The following ATRN variants were observed in gnomAD, a reference collection of about 807,000 sequenced individuals.
ATRN encodes attractin.
A neutral mutation model predicts 178.7 loss-of-function variants in ATRN; 54 were observed. That is an observed-to-expected ratio of 0.30 (90% CI 0.24 to 0.38). The LOEUF (loss-of-function observed/expected upper bound fraction) is 0.38, where lower values mean the gene tolerates loss of function less well. ATRN is among the 10% of genes least tolerant of loss of function. The pLI, the probability that ATRN is intolerant of heterozygous loss-of-function variation, is 1.00. For missense variants in ATRN, 1,443 were observed against 1,815.1 expected, an observed-to-expected ratio of 0.79 and a Z score of 3.73; for synonymous variants, 636 against 663.0, an observed-to-expected ratio of 0.96 and a Z score of 0.63.
chr20:3,646,536 AG>A (rs2087108948), intron 28 of ATRN, among the ~76,000 whole-genome samples, 186 bp from the exon 29 acceptor site: 1 of 152,192 alleles, frequency 6.6e-6, no homozygotes, highest in African/African-American at 2.4e-5. Context: ...GGGAAGGCGG[AG>A]GGAGGGTCAG....
chr20:3,492,808 T>C (rs1420864561), intron 1 of ATRN, among the ~76,000 whole-genome samples: 3 of 150,082 alleles, frequency 2.0e-5, no homozygotes, highest in African/African-American at 7.4e-5. Flanking sequence ...GCTGCTGTAC[T>C]GTCCAGAGAG....
intron 1 of ATRN, among the ~76,000 whole-genome samples, chr20:3,504,529 A>G (rs2085010165): frequency 6.6e-6 from 1 of 150,660 alleles, no homozygotes; most frequent in East Asian, 1.9e-4. Context: ...AAAAAAAAAA[A>G]AAAAAATTAG....
intron 25 of ATRN, among the ~76,000 whole-genome samples, chr20:3,627,697 T>G (rs77881546): frequency 0.068 from 10,425 of 152,220 alleles, 941 homozygotes; most frequent in African/African-American, 0.21. Context: ...AACAACTTTA[T>G]GTGAATGAAT....
At chr20:3,644,317 G>A in intron 28 of ATRN, 49 bp downstream of exon 28, 2 of 1,447,664 alleles carry the variant, frequency 1.4e-6, no homozygotes, top group Non-Finnish European at 1.9e-6. Flanking sequence ...ATGTGAGGGA[G>A]CTAAGCATGG....
At chr20:3,597,586 A>G (rs912120603) in intron 21 of ATRN, among the ~76,000 whole-genome samples, 3 of 152,232 alleles carry the variant, frequency 2.0e-5, no homozygotes, top group Non-Finnish European at 4.4e-5. Context: ...AACACATGAA[A>G]AAAACCTGGC....
intron 2 of ATRN, among the ~76,000 whole-genome samples, chr20:3,539,301 C>G (rs1009652868): frequency 1.3e-5 from 2 of 152,004 alleles, no homozygotes; most frequent in African/African-American, 2.4e-5. Flanking sequence ...AAGTCTTCTG[C>G]GAAGTTTTAC....
intron 11 of ATRN, among the ~76,000 whole-genome samples, chr20:3,572,390 G>T (rs2086138388): frequency 6.6e-6 from 1 of 152,116 alleles, no homozygotes; most frequent in South Asian, 2.1e-4. Flanking sequence ...AACTATTCTG[G>T]GTGTGTTATA....
chr20:3,490,850 G>A, intron 1 of ATRN: 2 of 830,444 alleles, frequency 2.4e-6, no homozygotes, highest in East Asian at 2.4e-5. Flanking sequence ...GATCCCTCAG[G>A]TTCCCACTGA....
At chr20:3,498,312 A>G (rs1197940839) in intron 1 of ATRN, among the ~76,000 whole-genome samples, 3 of 152,190 alleles carry the variant, frequency 2.0e-5, no homozygotes, top group Non-Finnish European at 2.9e-5. Flanking sequence ...AAAAGAGGGA[A>G]TCCTCTCTAA....
chr20:3,588,983 T>TTTTG (rs1555821603), intron 18 of ATRN, among the ~76,000 whole-genome samples: 9 of 107,894 alleles, frequency 8.3e-5, no homozygotes, highest in South Asian at 2.9e-4. Flanking sequence ...TTTCTTTTGT[T>TTTTG]TTTTTTTTTT....
chr20:3,512,311 G>T (rs2085145752), intron 1 of ATRN, among the ~76,000 whole-genome samples: 1 of 137,192 alleles, frequency 7.3e-6, no homozygotes, highest in Admixed American at 8.0e-5. Context: ...CCTGTGTCCA[G>T]GTGTTCTCAT....
chr20:3,500,979 G>A (rs1302647263), intron 1 of ATRN, among the ~76,000 whole-genome samples: 1 of 151,872 alleles, frequency 6.6e-6, no homozygotes, highest in Admixed American at 6.6e-5. Context: ...TAAGTTTGAG[G>A]CTGAAGCACA....
chr20:3,484,436 TTATC>T (rs1415115528), intron 1 of ATRN, among the ~76,000 whole-genome samples: 1 of 152,210 alleles, frequency 6.6e-6, no homozygotes, highest in Non-Finnish European at 1.5e-5. Flanking sequence ...TTCTGATCTT[TTATC>T]CACCTGTAAC....
chr20:3,638,978 A>C lies in ATRN; in HGVS notation c.4050+43A>C. 6.6e-7 allele frequency: 1 copy of C among 1,520,644 alleles called. No individual in the cohort carries two copies. The allele number at this position is 1,520,644 out of a possible 1,614,324, so 94.2% of individuals were successfully genotyped here. A position where few individuals can be genotyped will look rare whatever the true frequency, so the allele number is the denominator to read the frequency against. ...AAGTCCCTATAACTTGACTTTTTAA[A>C]ACTTAGGCTCCTAAGTCTGGGAAAC... On this transcript the variant is annotated intron_variant, in intron 27 of 28. Transcript: ENST00000262919. The surrounding 1 kb of genome is among the most constrained non-coding windows in gnomAD (Gnocchi z 4.5).
chr20:3,484,993 C>T (rs73087096), intron 1 of ATRN, among the ~76,000 whole-genome samples: 22,354 of 150,474 alleles, frequency 0.15, 2,114 homozygotes, highest in Non-Finnish European at 0.21. Context: ...TTTATCTGGG[C>T]ACCTCTCTGA....
intron 27 of ATRN, among the ~76,000 whole-genome samples, chr20:3,640,676 A>C (rs1487529969): frequency 1.3e-5 from 2 of 152,236 alleles, no homozygotes; most frequent in African/African-American, 2.4e-5. Context: ...TGGAAGTATA[A>C]AGTGATGGAG....
At chr20:3,527,294 A>AC (rs1431232585) in intron 1 of ATRN, among the ~76,000 whole-genome samples, 2 of 152,252 alleles carry the variant, frequency 1.3e-5, no homozygotes, top group African/African-American at 4.8e-5. Context: ...TCAAAAGAAG[A>AC]CATTTATGCA....
intron 1 of ATRN, among the ~76,000 whole-genome samples, chr20:3,510,660 T>C (rs534276819): frequency 6.6e-6 from 1 of 152,316 alleles, no homozygotes; most frequent in African/African-American, 2.4e-5. Flanking sequence ...ACTGCATAGG[T>C]GAAGGGGTGT....
chr20:3,484,686 G>A (rs2084666423), intron 1 of ATRN, among the ~76,000 whole-genome samples: 1 of 152,086 alleles, frequency 6.6e-6, no homozygotes, highest in Non-Finnish European at 1.5e-5. Context: ...GTTGAGATAA[G>A]CCTGGGGAAA....
Sources: gnomAD v4.1 joint callset for allele counts (sites outside exome capture counted in the v4.1 genomes callset) on GRCh38, gnomAD v4.1.1 for gene constraint, Gnocchi (gnomAD v3.1) non-coding constraint, MANE v1.5 for transcripts, NCBI Gene and HGNC (gene_info 2026-07-23, HGNC 2026-07-21) for gene names.